The following CACNA1C variants were observed in gnomAD, a reference collection of about 807,000 sequenced individuals.
CACNA1C encodes the protein voltage-dependent L-type calcium channel subunit alpha-1C.
Under a neutral mutation model 229.0 loss-of-function variants are expected in CACNA1C, and 30 were observed. That is an observed-to-expected ratio of 0.13 (90% CI 0.10 to 0.18). The LOEUF (loss-of-function observed/expected upper bound fraction) is 0.18. Among genes scored for constraint, CACNA1C ranks in the 10% least tolerant of loss-of-function variants. The probability of loss-of-function intolerance (pLI) is 1.00; values close to 1 mark genes in which losing one functional copy is unlikely to be tolerated. For synonymous variants in CACNA1C, 1,114 were observed against 1,132.5 expected (o/e 0.98, Z 0.33); for missense variants, 1,658 against 2,845.0 (o/e 0.58, Z 9.49).
intron 1 of CACNA1C, among the ~76,000 whole-genome samples, chr12:2,086,579 G>A (rs569256562): frequency 6.6e-6 from 1 of 152,278 alleles, no homozygotes; most frequent in Admixed American, 6.5e-5. Flanking sequence ...GATGCAATAC[G>A]AGTTTAATTT....
chr12:2,611,514 GA>G (rs1374234924), intron 28 of CACNA1C, among the ~76,000 whole-genome samples: 2 of 151,866 alleles, frequency 1.3e-5, no homozygotes, highest in African/African-American at 2.4e-5. Context: ...TAAGTGGGGA[GA>G]GGGGAGGAGA....
chr12:1,975,307 T>C (rs1291473130), intron 1 of CACNA1C, among the ~76,000 whole-genome samples: 1 of 152,134 alleles, frequency 6.6e-6, no homozygotes, highest in Non-Finnish European at 1.5e-5. Context: ...TTGGCCAAAA[T>C]TGTTTTCCTT....
intron 5 of CACNA1C, among the ~76,000 whole-genome samples, chr12:2,464,374 C>A (rs1214896379): frequency 6.6e-6 from 1 of 152,158 alleles, no homozygotes; most frequent in African/African-American, 2.4e-5. Context: ...ATCTGGACCT[C>A]CCAGTCCAGA....
chr12:2,408,727 T>A (rs1479406424), intron 3 of CACNA1C, among the ~76,000 whole-genome samples: 2 of 152,190 alleles, frequency 1.3e-5, no homozygotes, highest in East Asian at 3.8e-4. Context: ...TCCAGGCCAC[T>A]TTATGTGAAG....
At chr12:2,402,563 C>T (rs1433380905) in intron 3 of CACNA1C, among the ~76,000 whole-genome samples, 1 of 152,270 alleles carries the variant, frequency 6.6e-6, no homozygotes, top group Non-Finnish European at 1.5e-5. Context: ...CTCTCTGAGT[C>T]TCAGTAGTCC....
At chr12:2,511,680 A>G (rs1463732660) in intron 8 of CACNA1C, among the ~76,000 whole-genome samples, 1 of 152,230 alleles carries the variant, frequency 6.6e-6, no homozygotes, top group East Asian at 1.9e-4. Context: ...CTATTTTGCA[A>G]GAAAAGGCAC....
At chr12:2,260,747 G>A (rs542605576) in intron 3 of CACNA1C, among the ~76,000 whole-genome samples, 1 of 152,192 alleles carries the variant, frequency 6.6e-6, no homozygotes, top group Non-Finnish European at 1.5e-5. Context: ...TGCTCCTAAA[G>A]TGGGGTTAAT....
chr12:2,135,952 C>G (rs978487162), intron 3 of CACNA1C, among the ~76,000 whole-genome samples: 1 of 149,550 alleles, frequency 6.7e-6, no homozygotes, highest in Non-Finnish European at 1.5e-5. Flanking sequence ...TGCTAGCAAT[C>G]AGCGAGACTC....
chr12:1,990,461 T>C (rs554025252), intron 1 of CACNA1C, among the ~76,000 whole-genome samples: 28 of 152,366 alleles, frequency 1.8e-4, no homozygotes, highest in African/African-American at 6.7e-4. Flanking sequence ...GCATCTTTTT[T>C]TGGCTGATTA....
At chr12:2,447,804 T>C (rs2099313377) in intron 3 of CACNA1C, among the ~76,000 whole-genome samples, 2 of 152,164 alleles carry the variant, frequency 1.3e-5, no homozygotes, top group South Asian at 4.1e-4. Flanking sequence ...CCCTCACCAC[T>C]GCTCCCACAT....
chr12:2,167,390 G>A (rs1034835606), intron 3 of CACNA1C, among the ~76,000 whole-genome samples: 3 of 152,186 alleles, frequency 2.0e-5, no homozygotes, highest in African/African-American at 7.2e-5. Flanking sequence ...TATTAAGTAT[G>A]GGCCATATTT....
In CACNA1C at chr12:2,449,050, C is replaced by G; in HGVS notation, c.552C>G (p.Leu184=). The change falls in exon 4 of 47, where the codon CTC becomes CTG. Residue 184 remains leucine (L), a synonymous_variant. Coordinates refer to ENST00000399655, the MANE Select transcript of CACNA1C (RefSeq NM_000719.7). ...TAAAAGTAATCGCCTATGGACTCCT[C>G]TTTCACCCCAATGCCTACCTCCGCA... ...AFLKVIAYGL[L]FHPNAYLRNG... 6.3e-7 allele frequency: 1 copy of G among 1,598,984 alleles called. No individual in the cohort carries two copies. Among genetic ancestry groups the G allele is most frequent in the South Asian group, 1.1e-5 (1 of 88,806 alleles).
At chr12:2,659,094 T>A (rs983505830) in intron 34 of CACNA1C, among the ~76,000 whole-genome samples, 1 of 152,156 alleles carries the variant, frequency 6.6e-6, no homozygotes, top group Admixed American at 6.5e-5. Flanking sequence ...GTGTTTCTAG[T>A]CTCCAGTGGT....
chr12:2,628,265 C>A (rs989525625), intron 29 of CACNA1C, among the ~76,000 whole-genome samples: 1 of 152,176 alleles, frequency 6.6e-6, no homozygotes, highest in Non-Finnish European at 1.5e-5. Flanking sequence ...AAATGGGCCC[C>A]TGCCACCACC....
At chr12:2,658,153 A>G (rs946985007) in intron 34 of CACNA1C, among the ~76,000 whole-genome samples, 1 of 152,224 alleles carries the variant, frequency 6.6e-6, no homozygotes, top group Non-Finnish European at 1.5e-5. Flanking sequence ...AAAAAAACAC[A>G]TTCTTTTTAA....
chr12:2,382,194 A>C (rs1183014528), intron 3 of CACNA1C, among the ~76,000 whole-genome samples: 1 of 152,252 alleles, frequency 6.6e-6, no homozygotes, highest in Admixed American at 6.5e-5. Context: ...CAATAGCATT[A>C]GCAGTTTCTG....
intron 3 of CACNA1C, among the ~76,000 whole-genome samples, chr12:2,177,464 C>CCTTT (rs988168465): frequency 6.6e-6 from 1 of 151,780 alleles, no homozygotes; most frequent in Admixed American, 6.6e-5. Flanking sequence ...TGTTTCTCTC[C>CCTTT]CTTTCTTTCT....
rs898564192 is a variant in CACNA1C, at chr12:2,319,185, C to T, written c.478-129791C>T. On this transcript the variant is annotated intron_variant, in intron 3 of 46. Transcript: ENST00000399655. The surrounding 1 kb of genome is among the most constrained non-coding windows in gnomAD (Gnocchi z 4.0). Reference sequence around the variant, plus strand: ...GCAGGGGTCCCCACATATCACTGCACCCTCGTGGGCTCCCCTGCCCTGTCC... The same window carrying T: ...GCAGGGGTCCCCACATATCACTGCATCCTCGTGGGCTCCCCTGCCCTGTCC... Among the ~76,000 whole-genome samples, 1 of 152,086 alleles carries T rather than the reference C, an allele frequency of 6.6e-6. No individual in the cohort carries two copies. Among genetic ancestry groups the T allele is most frequent in the African/African-American group, 2.4e-5 (1 of 41,396 alleles).
chr12:2,628,671 C>T (rs541645950), intron 29 of CACNA1C, among the ~76,000 whole-genome samples: 110 of 152,132 alleles, frequency 7.2e-4, no homozygotes, highest in African/African-American at 2.6e-3. Context: ...CTTTGCAGGG[C>T]GGAGACAGGA....
Sources: allele counts gnomAD v4.1 joint callset (sites outside exome capture counted in the v4.1 genomes callset), GRCh38; gene constraint gnomAD v4.1.1; non-coding constraint Gnocchi (gnomAD v3.1); transcripts MANE v1.5; gene names NCBI Gene and HGNC (gene_info 2026-07-23, HGNC 2026-07-21).